SLAMF6: variants seen among roughly 807,000 people sequenced by gnomAD.
SLAMF6 encodes the protein NK-T-B-antigen.
Under a neutral mutation model 38.3 loss-of-function variants are expected in SLAMF6, and 21 were observed. The ratio of observed to expected loss-of-function variants is 0.55; its 90% CI spans 0.39 to 0.79. The LOEUF (loss-of-function observed/expected upper bound fraction) is 0.79, where lower values mean the gene tolerates loss of function less well. Among genes scored for constraint, SLAMF6 ranks in the 30% least tolerant of loss-of-function variants. SLAMF6 has a pLI of 0.00. For missense variants in SLAMF6, 341 were observed against 385.3 expected (o/e 0.89, Z 0.96); for synonymous variants, 152 against 146.3 (o/e 1.04, Z -0.28).
At chr1:160,513,487 C>T (rs1654593077) in intron 1 of SLAMF6, among the ~76,000 whole-genome samples, 1 of 152,146 alleles carries the variant, frequency 6.6e-6, no homozygotes, top group Admixed American at 6.5e-5. Flanking sequence ...GACAGGCCAA[C>T]ATTCAAACTC....
chr1:160,496,918 C>T (rs917948789), intron 1 of SLAMF6, among the ~76,000 whole-genome samples: 11 of 152,122 alleles, frequency 7.2e-5, no homozygotes, highest in African/African-American at 9.7e-5. Flanking sequence ...ATTTCATTGA[C>T]GCTGACTACA....
intron 1 of SLAMF6, among the ~76,000 whole-genome samples, chr1:160,516,435 A>G (rs916526119): frequency 6.6e-6 from 1 of 152,212 alleles, no homozygotes; most frequent in African/African-American, 2.4e-5. Flanking sequence ...TGCCCGAAGT[A>G]ATTAATAGAT....
intron 1 of SLAMF6, among the ~76,000 whole-genome samples, chr1:160,501,751 T>G (rs1571298077): frequency 6.6e-6 from 1 of 151,398 alleles, no homozygotes; most frequent in Middle Eastern, 3.4e-3. Flanking sequence ...CCTTTCTTCA[T>G]CTTTCCTACA....
Position 160,496,374 on chromosome 1 carries a change from G to T in SLAMF6, c.69C>A (p.Ser23Arg). The T allele has an allele frequency of 6.2e-7, 1 of 1,613,084 alleles. No individual in the cohort carries two copies. Among genetic ancestry groups the T allele is most frequent in the South Asian group, 1.1e-5 (1 of 91,058 alleles). The change falls in exon 2 of 8, where the codon AGC (serine) becomes AGA (arginine). Residue 23 changes from serine to arginine, a missense_variant. Transcript: ENST00000368057. The stretch of plus-strand genomic sequence containing the variant: ...CGTTCACCATCAATGGGGTTAAGCT[G>T]CTTTGTGAAACTACATTCCCTGTAA... ...CFGPGNVVSQ[S>R]SLTPLMVNGI...
chr1:160,486,839 GA>G, intron 7 of SLAMF6, 85 bp from the exon 8 acceptor site: 1 of 1,460,732 alleles, frequency 6.8e-7, no homozygotes, highest in Non-Finnish European at 9.6e-7. Flanking sequence ...GAGGACTGGA[GA>G]CTACAGAGAG....
intron 1 of SLAMF6, among the ~76,000 whole-genome samples, chr1:160,508,523 G>A (rs1654310065): frequency 6.6e-6 from 1 of 152,168 alleles, no homozygotes; most frequent in South Asian, 2.1e-4. Flanking sequence ...ATGGATTAAA[G>A]ACTTAAATGT....
intron 1 of SLAMF6, among the ~76,000 whole-genome samples, chr1:160,512,635 C>A (rs371183425): frequency 6.6e-6 from 1 of 152,096 alleles, no homozygotes; most frequent in Admixed American, 6.6e-5. Context: ...CCCTCTTGGA[C>A]GGAGCTCCCA....
intron 2 of SLAMF6, among the ~76,000 whole-genome samples, chr1:160,494,959 A>T (rs115527787): frequency 1.2e-3 from 180 of 152,254 alleles, no homozygotes; most frequent in Non-Finnish European, 2.0e-3. Flanking sequence ...TTTTAGTTAG[A>T]ATCGCTTGTA....
chr1:160,499,420 G>T (rs976583094), intron 1 of SLAMF6, among the ~76,000 whole-genome samples: 1 of 152,062 alleles, frequency 6.6e-6, no homozygotes, highest in Non-Finnish European at 1.5e-5. Context: ...TTGTCTATGT[G>T]TCTGTTTGTG....
At chr1:160,518,774 G>T (rs1421466602) in intron 1 of SLAMF6, among the ~76,000 whole-genome samples, 1 of 152,020 alleles carries the variant, frequency 6.6e-6, no homozygotes, top group Non-Finnish European at 1.5e-5. Flanking sequence ...CGGGGGTGGG[G>T]CAGGGGGGAG....
rs1289606918 is a variant in SLAMF6, at chr1:160,499,876, G to A, written c.50-3483C>T. 4.6e-5 allele frequency among the ~76,000 whole-genome samples: 7 copies of A among 152,174 alleles called. No individual in the cohort carries two copies. The East Asian group carries it at 1.2e-3, about 25-fold the overall frequency. ...GCTGTCATCAACATCTTTCCCATCA[G>A]CATTTTAACACACTGTTATTTGTCA... On this transcript the variant is annotated intron_variant, in intron 1 of 7. Coordinates refer to ENST00000368057, the MANE Select transcript of SLAMF6 (RefSeq NM_001184714.2).
At chr1:160,513,622 G>C (rs1654602219) in intron 1 of SLAMF6, among the ~76,000 whole-genome samples, 1 of 152,162 alleles carries the variant, frequency 6.6e-6, no homozygotes, top group South Asian at 2.1e-4. Context: ...GAAAGGCCAA[G>C]TCACCTACAA....
Position 160,491,256 on chromosome 1 carries a change from G to A in SLAMF6, c.515C>T (p.Thr172Ile). 6.2e-7 allele frequency: 1 copy of A among 1,614,110 alleles called. No homozygotes were observed. The highest frequency in any genetic ancestry group is 8.5e-7 in the Non-Finnish European group (1 of 1,180,002). The change falls in exon 3 of 8, where the codon ACA (threonine) becomes ATA (isoleucine). Residue 172 changes from threonine (T) to isoleucine (I), a missense_variant. Coordinates refer to ENST00000368057, the MANE Select transcript of SLAMF6 (RefSeq NM_001184714.2). ...AGTGAGGTTTGGCTGACTTGAAAGT[G>A]TGTTTCCCAAGGCCTCCCATCTGAA... ...VSFRWEALGN[T>I]LSSQPNLTVS... is the part of the protein sequence containing the mutation.
intron 1 of SLAMF6, among the ~76,000 whole-genome samples, chr1:160,517,159 T>C (rs903666062): frequency 5.9e-5 from 9 of 151,630 alleles, no homozygotes; most frequent in African/African-American, 2.2e-4. Flanking sequence ...CAAACAAATT[T>C]ACAAGAAAAA....
At chr1:160,501,137 C>A (rs1653868326) in intron 1 of SLAMF6, among the ~76,000 whole-genome samples, 1 of 152,268 alleles carries the variant, frequency 6.6e-6, no homozygotes, top group South Asian at 2.1e-4. Context: ...CTAATATTTG[C>A]TAACTTCCAT....
At chr1:160,495,596 C>A (rs1045171764) in intron 2 of SLAMF6, among the ~76,000 whole-genome samples, 4 of 152,166 alleles carry the variant, frequency 2.6e-5, no homozygotes, top group African/African-American at 9.7e-5. Context: ...GTCAGACTAG[C>A]CTTTGTGAAA....
chr1:160,490,920 T>C (rs1653255701), intron 3 of SLAMF6, among the ~76,000 whole-genome samples: 2 of 151,796 alleles, frequency 1.3e-5, no homozygotes, highest in South Asian at 2.1e-4. Context: ...TCTGAGTAGG[T>C]TGGACGAGGG....
At chr1:160,490,316 A>C in intron 4 of SLAMF6, 80 bp from the exon 5 acceptor site, 1 of 1,602,346 alleles carries the variant, frequency 6.2e-7, no homozygotes, top group Non-Finnish European at 8.5e-7. Context: ...GAGTGTTGGG[A>C]TGTGGTGGGA....
Position 160,520,508 on chromosome 1 carries a change from A to G in SLAMF6, c.49+2636T>C, listed in dbSNP as rs537536094. Among the ~76,000 whole-genome samples, 6 of 152,286 alleles carry G rather than the reference A, an allele frequency of 3.9e-5. No homozygotes were observed. The South Asian group carries it at 1.2e-3, about 32-fold the overall frequency. On this transcript the variant is annotated intron_variant, in intron 1 of 7. Transcript: ENST00000368057. ...ATCAGCATTTTAATAAGATTCCCCC[A>G]AGTAATTTATATGCACATTTAAGTT...
Sources: gnomAD v4.1 joint callset for allele counts (sites outside exome capture counted in the v4.1 genomes callset) on GRCh38, gnomAD v4.1.1 for gene constraint, MANE v1.5 for transcripts, NCBI Gene and HGNC (gene_info 2026-07-23, HGNC 2026-07-21) for gene names.